MAP4: variants seen among roughly 807,000 people sequenced by gnomAD.
MAP4 encodes microtubule associated protein 4.
Under a neutral mutation model 170.2 loss-of-function variants are expected in MAP4, and 76 were observed. The ratio of observed to expected loss-of-function variants is 0.45; its 90% CI spans 0.37 to 0.54. The LOEUF (loss-of-function observed/expected upper bound fraction) is 0.54, where lower values mean the gene tolerates loss of function less well. Among genes scored for constraint, MAP4 ranks in the 20% least tolerant of loss-of-function variants. The pLI, the probability that MAP4 is intolerant of heterozygous loss-of-function variation, is 0.00. For missense variants in MAP4, 2,506 were observed against 2,748.0 expected (o/e 0.91, Z 1.97); for synonymous variants, 909 against 994.5 (o/e 0.91, Z 1.62).
chr3:47,940,899 C>CA (rs1415963475), intron 3 of MAP4, among the ~76,000 whole-genome samples: 1 of 151,810 alleles, frequency 6.6e-6, no homozygotes, highest in Non-Finnish European at 1.5e-5. Context: ...TTTTTGGAGA[C>CA]AGAGTTTTGC....
intron 1 of MAP4, among the ~76,000 whole-genome samples, chr3:48,052,320 A>C (rs536638574): frequency 6.6e-6 from 1 of 152,316 alleles, no homozygotes; most frequent in South Asian, 2.1e-4. Context: ...GTCCTGGTTC[A>C]AGCTATTCTC....
chr3:47,954,119 T>A (rs1186713020), intron 3 of MAP4, among the ~76,000 whole-genome samples: 2 of 152,140 alleles, frequency 1.3e-5, no homozygotes, highest in Non-Finnish European at 2.9e-5. Context: ...TTGCAGTGTG[T>A]CCCTGTTCCC....
chr3:47,877,464 T>C lies in MAP4; in HGVS notation c.5494A>G (p.Thr1832Ala). ...GGTGGGAGCTCCTTGTTCGGTGGGG[T>C]GGTGATGTCATTTCCTGTCCCACTC... ...VVSGTGNDITTPPNKELPPSP... is the reference protein window; with the variant it reads ...VVSGTGNDITAPPNKELPPSP... Residue 1832 changes from threonine (T) to alanine (A), a missense_variant, in exon 11 of 21, where the codon ACC becomes GCC. Physicochemically the swap from Thr to Ala is moderately conservative, Grantham distance 58. This residue lies in a region of MAP4 where 2,008 missense variants were observed against 2,206.0 expected (regional missense o/e 0.91). Transcript: ENST00000683076. The C allele has an allele frequency of 6.2e-7, 1 of 1,614,082 alleles. No homozygotes were observed.
intron 4 of MAP4, among the ~76,000 whole-genome samples, chr3:47,924,345 T>C (rs1370721007): frequency 6.6e-6 from 1 of 152,200 alleles, no homozygotes; most frequent in Non-Finnish European, 1.5e-5. Flanking sequence ...CATCTATAGG[T>C]TGATGACACC....
At chr3:47,891,253 G>A (rs751900469) in intron 10 of MAP4, 19 of 1,536,144 alleles carry the variant, frequency 1.2e-5, no homozygotes, top group Middle Eastern at 1.7e-4. Context: ...CAGCAGTGCC[G>A]AGTTCCTTCT....
intron 3 of MAP4, among the ~76,000 whole-genome samples, chr3:47,969,172 C>T (rs1235087389): frequency 2.0e-5 from 3 of 152,134 alleles, no homozygotes; most frequent in Non-Finnish European, 2.9e-5. Flanking sequence ...CTTTGGGAGG[C>T]GAACATGGGT....
intron 3 of MAP4, 98 bp downstream of exon 3, chr3:47,977,767 C>T (rs889856851): frequency 9.2e-5 from 75 of 812,970 alleles, no homozygotes; most frequent in South Asian, 2.2e-4. Flanking sequence ...AGAAATAATT[C>T]ATATGCTTCC....
chr3:48,050,763 GGCATGGTGGC>G, intron 1 of MAP4, among the ~76,000 whole-genome samples: 1 of 151,990 alleles, frequency 6.6e-6, no homozygotes, highest in East Asian at 1.9e-4. Flanking sequence ...AACTTAGCTG[GGCATGGTGGC>G]GCATGCCTGT....
At chr3:47,878,860 TATTGTCAA>T (rs2096076880) in intron 10 of MAP4, among the ~76,000 whole-genome samples, 1 of 152,088 alleles carries the variant, frequency 6.6e-6, no homozygotes, top group South Asian at 2.1e-4. Flanking sequence ...AATATTAACA[TATTGTCAA>T]AAGTCCTAAA....
At chr3:47,886,239 C>T (rs1234301678) in intron 10 of MAP4, among the ~76,000 whole-genome samples, 1 of 152,240 alleles carries the variant, frequency 6.6e-6, no homozygotes, top group Non-Finnish European at 1.5e-5. Flanking sequence ...TGCTTTCTCT[C>T]TCCCAGAAGG....
At chr3:48,046,834 C>T (rs1430707853) in intron 1 of MAP4, among the ~76,000 whole-genome samples, 1 of 152,192 alleles carries the variant, frequency 6.6e-6, no homozygotes, top group Non-Finnish European at 1.5e-5. Context: ...GTGGCTCACG[C>T]CTGTAATCCC....
intron 1 of MAP4, among the ~76,000 whole-genome samples, chr3:48,047,135 A>AAAT (rs879846541): frequency 1.1e-3 from 122 of 108,580 alleles, no homozygotes; most frequent in Non-Finnish European, 1.6e-3. Context: ...AATAAATAAA[A>AAAT]ATGTTAAGGC....
At chr3:48,067,513 A>G (rs1230352707) in intron 1 of MAP4, among the ~76,000 whole-genome samples, 1 of 152,158 alleles carries the variant, frequency 6.6e-6, no homozygotes, top group African/African-American at 2.4e-5. Flanking sequence ...CATGTTTTGT[A>G]GAGACAGGGG....
At chr3:47,917,546 A>G (rs1054035706) in intron 6 of MAP4, among the ~76,000 whole-genome samples, 2 of 149,330 alleles carry the variant, frequency 1.3e-5, no homozygotes, top group African/African-American at 5.0e-5. Context: ...AGATCACGGC[A>G]TTGCACTCCA....
intron 1 of MAP4, among the ~76,000 whole-genome samples, chr3:48,043,870 G>A (rs896251082): frequency 5.3e-5 from 8 of 151,836 alleles, no homozygotes; most frequent in South Asian, 2.1e-4. Flanking sequence ...AAATTGAGAC[G>A]GAGTCTCGCT....
At chr3:48,033,507 T>C (rs1046421285) in intron 1 of MAP4, among the ~76,000 whole-genome samples, 1 of 152,236 alleles carries the variant, frequency 6.6e-6, no homozygotes, top group Non-Finnish European at 1.5e-5. Context: ...ATTTTTTTAA[T>C]TGAAGTGAAG....
intron 3 of MAP4, among the ~76,000 whole-genome samples, chr3:47,964,835 C>G (rs2100073875): frequency 6.6e-6 from 1 of 152,084 alleles, no homozygotes; most frequent in Non-Finnish European, 1.5e-5. Context: ...ATTTTTTTCC[C>G]TTTAAATATG....
intron 5 of MAP4, 48 bp from the exon 6 acceptor site, chr3:47,918,889 G>A (rs2100041170): frequency 1.3e-6 from 2 of 1,488,584 alleles, no homozygotes; most frequent in African/African-American, 2.8e-5. Flanking sequence ...AGTAAACATT[G>A]GAAACAAAAG....
intron 12 of MAP4, among the ~76,000 whole-genome samples, chr3:47,873,136 C>T (rs562283914): frequency 2.6e-5 from 4 of 152,104 alleles, no homozygotes; most frequent in South Asian, 4.2e-4. Context: ...AGCACAGAGA[C>T]GATGAGAAGA....
Sources: allele counts gnomAD v4.1 joint callset (sites outside exome capture counted in the v4.1 genomes callset), GRCh38; gene constraint gnomAD v4.1.1; regional missense constraint gnomAD v4.1.1; transcripts MANE v1.5; gene names NCBI Gene and HGNC (gene_info 2026-07-23, HGNC 2026-07-21).